The following CNTLN variants were observed in gnomAD, a reference collection of about 807,000 sequenced individuals.
CNTLN encodes the protein centlein.
CNTLN carries 212 observed loss-of-function variants against 180.0 expected under a neutral mutation model. The observed-to-expected ratio is 1.18, with a 90% CI of 1.05 to 1.32. CNTLN has a LOEUF of 1.32. CNTLN is among the 40% of genes most tolerant of loss of function. The pLI is 0.00. For synonymous variants in CNTLN, 722 were observed against 563.1 expected, an observed-to-expected ratio of 1.28 and a Z score of -3.99; for missense variants, 2,095 against 1,610.9, an observed-to-expected ratio of 1.30 and a Z score of -5.14.
intron 25 of CNTLN, among the ~76,000 whole-genome samples, chr9:17,488,359 A>T (rs1468886868): frequency 6.6e-6 from 1 of 152,094 alleles, no homozygotes; most frequent in Non-Finnish European, 1.5e-5. Context: ...ATCATGTGGT[A>T]CTCCCAGAAC....
chr9:17,356,575 T>C (rs1822869626), intron 12 of CNTLN, among the ~76,000 whole-genome samples: 1 of 152,254 alleles, frequency 6.6e-6, no homozygotes, highest in Non-Finnish European at 1.5e-5. Context: ...AAATAATATA[T>C]GGGAAAATGC....
At chr9:17,267,772 A>C (rs549392528) in intron 5 of CNTLN, among the ~76,000 whole-genome samples, 2 of 151,830 alleles carry the variant, frequency 1.3e-5, no homozygotes, top group African/African-American at 2.4e-5. Context: ...TTCTCTTCTC[A>C]CTTCATTTCA....
intron 13 of CNTLN, among the ~76,000 whole-genome samples, chr9:17,383,597 G>C (rs535476460): frequency 2.1e-4 from 32 of 152,014 alleles, no homozygotes; most frequent in African/African-American, 7.7e-4. Context: ...AAATATTAAA[G>C]TAAATTGAAA....
intron 7 of CNTLN, chr9:17,300,990 CA>C (rs1273368377): frequency 6.1e-6 from 6 of 983,744 alleles, no homozygotes; most frequent in Non-Finnish European, 7.2e-6. Context: ...ATGGTAGAAG[CA>C]AGAAAAGAAT....
chr9:17,162,361 G>A (rs527817468), intron 2 of CNTLN, among the ~76,000 whole-genome samples: 3 of 152,058 alleles, frequency 2.0e-5, no homozygotes, highest in African/African-American at 4.8e-5. Context: ...TGATCTGCCC[G>A]CCTCGGCCTC....
At chr9:17,493,446 C>A (rs1267112224) in intron 25 of CNTLN, among the ~76,000 whole-genome samples, 1 of 152,022 alleles carries the variant, frequency 6.6e-6, no homozygotes, top group Non-Finnish European at 1.5e-5. Flanking sequence ...AGTGAGTAAT[C>A]TTTTACCTCC....
intron 13 of CNTLN, among the ~76,000 whole-genome samples, chr9:17,385,050 T>G (rs1224043992): frequency 6.6e-6 from 1 of 152,202 alleles, no homozygotes; most frequent in African/African-American, 2.4e-5. Flanking sequence ...TTCCTCAGAT[T>G]AGTTAATTTG....
At chr9:17,444,501 C>T (rs759587048) in intron 18 of CNTLN, among the ~76,000 whole-genome samples, 3 of 152,198 alleles carry the variant, frequency 2.0e-5, no homozygotes, top group Non-Finnish European at 4.4e-5. Context: ...CTGTCACCCA[C>T]TTCAGTTGCC....
intron 7 of CNTLN, chr9:17,299,573 G>A (rs2779779): frequency 0.14 from 137,165 of 983,616 alleles, 10,196 homozygotes; most frequent in South Asian, 0.27. Context: ...TGTGTTTTGT[G>A]TTGCCTTTGT....
At chr9:17,222,208 C>T (rs1164598139) in intron 2 of CNTLN, among the ~76,000 whole-genome samples, 1 of 152,108 alleles carries the variant, frequency 6.6e-6, no homozygotes, top group African/African-American at 2.4e-5. Flanking sequence ...CAAAATTTCT[C>T]TGAAGAGTAC....
chr9:17,325,582 C>CAA (rs1051051069), intron 8 of CNTLN, among the ~76,000 whole-genome samples: 5 of 151,718 alleles, frequency 3.3e-5, no homozygotes, highest in African/African-American at 1.2e-4. Flanking sequence ...CACACGCACA[C>CAA]ACACACTTGA....
chr9:17,458,287 G>C (rs1831255834), intron 19 of CNTLN, among the ~76,000 whole-genome samples: 1 of 151,770 alleles, frequency 6.6e-6, no homozygotes, highest in Non-Finnish European at 1.5e-5. Context: ...GCTGTCCTTA[G>C]TTTAAATAGA....
chr9:17,289,012 A>T (rs1829183552), intron 6 of CNTLN, among the ~76,000 whole-genome samples: 1 of 123,188 alleles, frequency 8.1e-6, no homozygotes, highest in South Asian at 3.6e-4. Context: ...ATTTACATTT[A>T]AAGTTAATAT....
chr9:17,256,324 T>A (rs919301416), intron 5 of CNTLN, among the ~76,000 whole-genome samples: 1 of 152,012 alleles, frequency 6.6e-6, no homozygotes, highest in Admixed American at 6.6e-5. Context: ...TTTAGCTCTT[T>A]GAGAAATCTC....
intron 25 of CNTLN, among the ~76,000 whole-genome samples, chr9:17,502,104 C>T (rs183944737): frequency 1.9e-3 from 292 of 152,310 alleles, no homozygotes; most frequent in Non-Finnish European, 3.1e-3. Flanking sequence ...TTTCACTCTA[C>T]AATTCTTGAG....
At chr9:17,483,760 A>G (rs1832763493) in intron 23 of CNTLN, among the ~76,000 whole-genome samples, 1 of 152,186 alleles carries the variant, frequency 6.6e-6, no homozygotes, top group African/African-American at 2.4e-5. Context: ...TTGCCCACTC[A>G]TAATTTACCA....
At chr9:17,279,655 A>G (rs766094583) in intron 6 of CNTLN, among the ~76,000 whole-genome samples, 3 of 151,596 alleles carry the variant, frequency 2.0e-5, no homozygotes, top group Non-Finnish European at 4.4e-5. Flanking sequence ...AGAATTATGT[A>G]GAGCAGCTGC....
chr9:17,253,198 T>G (rs1346973917), intron 5 of CNTLN, among the ~76,000 whole-genome samples: 1 of 151,944 alleles, frequency 6.6e-6, no homozygotes, highest in East Asian at 1.9e-4. Flanking sequence ...TGAAGTCAGA[T>G]AGTCTCATAC....
At chr9:17,240,952 G>A (rs1418414397) in intron 5 of CNTLN, among the ~76,000 whole-genome samples, 3 of 151,980 alleles carry the variant, frequency 2.0e-5, no homozygotes, top group Non-Finnish European at 2.9e-5. Flanking sequence ...TCTGCCTCCC[G>A]GGTTCATGCC....
Sources: allele counts gnomAD v4.1 joint callset (sites outside exome capture counted in the v4.1 genomes callset), GRCh38; gene constraint gnomAD v4.1.1; transcripts MANE v1.5; gene names NCBI Gene and HGNC (gene_info 2026-07-23, HGNC 2026-07-21).